DCC: variants seen among roughly 807,000 people sequenced by gnomAD.
The protein encoded by DCC is DCC netrin 1 receptor.
DCC carries 58 observed loss-of-function variants against 172.5 expected under a neutral mutation model. The observed-to-expected ratio is 0.34, with a 90% confidence interval of 0.27 to 0.42. The LOEUF (loss-of-function observed/expected upper bound fraction) is 0.42. DCC is among the 10% of genes least tolerant of loss of function. DCC has a pLI of 1.00. For synonymous variants in DCC, 709 were observed against 644.5 expected, an observed-to-expected ratio of 1.10 and a Z score of -1.52; for missense variants, 1,740 against 1,791.0, an observed-to-expected ratio of 0.97 and a Z score of 0.51.
intron 1 of DCC, among the ~76,000 whole-genome samples, chr18:52,534,935 G>A (rs2144690851): frequency 6.6e-6 from 1 of 152,152 alleles, no homozygotes; most frequent in East Asian, 1.9e-4. Context: ...ATGTATAGCT[G>A]GAATACAGAT....
chr18:53,046,079 T>G (rs1269495966), intron 5 of DCC, among the ~76,000 whole-genome samples: 5 of 151,874 alleles, frequency 3.3e-5, no homozygotes, highest in Admixed American at 6.6e-5. Context: ...GGTAGATAAC[T>G]AAACACTCTT....
At chr18:53,331,059 A>G (rs1180491921) in intron 14 of DCC, among the ~76,000 whole-genome samples, 1 of 152,182 alleles carries the variant, frequency 6.6e-6, no homozygotes, top group Non-Finnish European at 1.5e-5. Context: ...TACGAACTCT[A>G]ATTTCAGATA....
At chr18:53,353,441 A>G (rs1391555336) in intron 15 of DCC, among the ~76,000 whole-genome samples, 1 of 151,986 alleles carries the variant, frequency 6.6e-6, no homozygotes, top group Non-Finnish European at 1.5e-5. Context: ...TTTAAAGGTT[A>G]AAAAAATAAC....
chr18:52,433,421 C>G (rs1187204049), intron 1 of DCC, among the ~76,000 whole-genome samples: 1 of 152,130 alleles, frequency 6.6e-6, no homozygotes, highest in African/African-American at 2.4e-5. Flanking sequence ...GCTCAAAGAT[C>G]AGTATATTCT....
intron 1 of DCC, among the ~76,000 whole-genome samples, chr18:52,610,224 T>A (rs1220091763): frequency 1.1e-4 from 9 of 78,658 alleles, no homozygotes; most frequent in Admixed American, 3.2e-4. Context: ...TATATATATA[T>A]ATAAAATTAG....
chr18:52,501,531 G>C (rs75528881), intron 1 of DCC, among the ~76,000 whole-genome samples: 48 of 152,164 alleles, frequency 3.2e-4, no homozygotes, highest in African/African-American at 8.2e-4. Flanking sequence ...TTCAGGGAAG[G>C]GGGGAGAAGA....
Position 53,223,599 on chromosome 18 carries a change from C to G in DCC, c.1911+8002C>G, listed in dbSNP as rs184093586. On this transcript the variant is annotated intron_variant, in intron 12 of 28. Coordinates refer to ENST00000442544, the MANE Select transcript of DCC (RefSeq NM_005215.4). Reference sequence around the variant, plus strand: ...ATTTTAATTTAGTTCATGGAAGTTGCCCTTATAGTTGGAATGGTTGATTAG... The same window carrying G: ...ATTTTAATTTAGTTCATGGAAGTTGGCCTTATAGTTGGAATGGTTGATTAG... Among the ~76,000 whole-genome samples the G allele has an allele frequency of 9.2e-5, 14 of 152,128 alleles. No homozygotes were observed. The East Asian group carries it at 1.9e-3, about 21-fold the overall frequency.
rs150351676 is a variant in DCC, at chr18:53,499,368, C to T, written c.3969C>T (p.Ser1323=). Residue 1323 remains serine (S), a synonymous_variant, in exon 27 of 29, where the codon AGC becomes AGT. Coordinates refer to ENST00000442544, the MANE Select transcript of DCC (RefSeq NM_005215.4). ...LPPSQPEHSS[S]EEAPSRTIPT... ...CATCTCAGCCTGAGCATTCTAGCAG[C>T]GAGGAGGCACCAAGCAGAACCATCC... 1.4e-5 allele frequency: 22 copies of T among 1,613,936 alleles called. No homozygotes were observed. The highest frequency in any genetic ancestry group is 5.0e-5 in the Admixed American group (3 of 59,976).
intron 15 of DCC, among the ~76,000 whole-genome samples, chr18:53,361,692 A>G (rs968802139): frequency 3.3e-5 from 5 of 152,220 alleles, no homozygotes; most frequent in Non-Finnish European, 5.9e-5. Flanking sequence ...AATTCATCCT[A>G]TCTACCTTTT....
At chr18:52,608,608 T>C (rs1364027158) in intron 1 of DCC, among the ~76,000 whole-genome samples, 1 of 152,168 alleles carries the variant, frequency 6.6e-6, no homozygotes, top group African/African-American at 2.4e-5. Context: ...TGTGGGTACA[T>C]AAGAACCACA....
chr18:53,228,643 G>A (rs573007358), intron 12 of DCC, among the ~76,000 whole-genome samples: 1 of 152,182 alleles, frequency 6.6e-6, no homozygotes, highest in South Asian at 2.1e-4. Flanking sequence ...ATTTAGAGAA[G>A]GTTGGGCATT....
At chr18:52,386,716 A>G (rs1161375129) in intron 1 of DCC, among the ~76,000 whole-genome samples, 1 of 152,068 alleles carries the variant, frequency 6.6e-6, no homozygotes, top group Non-Finnish European at 1.5e-5. Context: ...GGTTTTAGAA[A>G]TTAGGGAAAG....
chr18:52,520,308 C>T (rs1460195075), intron 1 of DCC, among the ~76,000 whole-genome samples: 1 of 152,330 alleles, frequency 6.6e-6, no homozygotes, highest in African/African-American at 2.4e-5. Flanking sequence ...CCAGAACAGG[C>T]TTGCCGAACC....
chr18:52,498,700 G>T (rs2030898437), intron 1 of DCC, among the ~76,000 whole-genome samples: 1 of 152,092 alleles, frequency 6.6e-6, no homozygotes, highest in Non-Finnish European at 1.5e-5. Flanking sequence ...AGACCAGTAA[G>T]TCTCATATTC....
intron 7 of DCC, among the ~76,000 whole-genome samples, chr18:53,085,512 C>T (rs918524494): frequency 6.6e-6 from 1 of 152,070 alleles, no homozygotes; most frequent in Non-Finnish European, 1.5e-5. Context: ...CCCAAATCAC[C>T]TAGTCACCGT....
chr18:53,399,552 T>C (rs1909171012), intron 18 of DCC, among the ~76,000 whole-genome samples: 1 of 152,140 alleles, frequency 6.6e-6, no homozygotes, highest in Admixed American at 6.6e-5. Flanking sequence ...ACTTAAATGT[T>C]ACCTTCCATT....
intron 1 of DCC, among the ~76,000 whole-genome samples, chr18:52,680,230 G>C (rs1461006358): frequency 6.6e-6 from 1 of 152,054 alleles, no homozygotes; most frequent in African/African-American, 2.4e-5. Flanking sequence ...AAACTTTTAA[G>C]CAGAGCATAG....
At chr18:53,447,757 C>T (rs1912704392) in intron 22 of DCC, among the ~76,000 whole-genome samples, 1 of 151,914 alleles carries the variant, frequency 6.6e-6, no homozygotes, top group African/African-American at 2.4e-5. Context: ...TTATTAAGTA[C>T]AAAAAGGGCA....
intron 8 of DCC, 146 bp from the exon 9 acceptor site, chr18:53,178,816 C>T (rs919729181): frequency 1.2e-5 from 9 of 759,504 alleles, no homozygotes; most frequent in Admixed American, 2.0e-5. Flanking sequence ...TATAGAAAGT[C>T]TGAGGTCTTG....
Sources: allele counts gnomAD v4.1 joint callset (sites outside exome capture counted in the v4.1 genomes callset), GRCh38; gene constraint gnomAD v4.1.1; transcripts MANE v1.5; gene names NCBI Gene and HGNC (gene_info 2026-07-23, HGNC 2026-07-21).